BBS9: variants seen among roughly 807,000 people sequenced by gnomAD.
The protein encoded by BBS9 is protein PTHB1.
A neutral mutation model predicts 117.7 loss-of-function variants in BBS9; 89 were observed. The ratio of observed to expected loss-of-function variants is 0.76; its 90% CI spans 0.64 to 0.90. The LOEUF (loss-of-function observed/expected upper bound fraction) is 0.90. BBS9 is among the 40% of genes least tolerant of loss of function. BBS9 has a pLI of 0.00. For synonymous variants in BBS9, 379 were observed against 370.9 expected (o/e 1.02, Z -0.25); for missense variants, 982 against 1,042.2 (o/e 0.94, Z 0.80).
intron 20 of BBS9, among the ~76,000 whole-genome samples, chr7:33,520,011 G>GC (rs879328370): frequency 7.1e-6 from 1 of 140,554 alleles, no homozygotes; most frequent in Non-Finnish European, 1.6e-5. Context: ...TCTGAAATAG[G>GC]TTTTTTTTTT....
chr7:33,155,309 A>G (rs1278926947), intron 3 of BBS9, among the ~76,000 whole-genome samples: 2 of 152,136 alleles, frequency 1.3e-5, no homozygotes, highest in Non-Finnish European at 2.9e-5. Context: ...GTCACGGATG[A>G]ATTAGTCAGA....
In BBS9 at chr7:33,344,689, C is replaced by T. The variant is rs576670451; in HGVS notation, c.1329+55C>T. ...GCAAACAATATGATTTATTTCATTA[C>T]ATCTGTCACTGTTGAGAACTTGTAA... On this transcript the variant is annotated intron_variant, in intron 12 of 22. Coordinates refer to ENST00000242067, the MANE Select transcript of BBS9 (RefSeq NM_198428.3). 2.0e-6 allele frequency: 3 copies of T among 1,520,994 alleles called. No individual in the cohort carries two copies. In the South Asian group the frequency reaches 3.4e-5, roughly 17 times the overall value. 94.2% of individuals were successfully genotyped at this position (1,520,994 alleles called of 1,614,324 possible). A position where few individuals can be genotyped will look rare whatever the true frequency, so the allele number is the denominator to read the frequency against.
chr7:33,572,587 C>T (rs755319757), intron 21 of BBS9, among the ~76,000 whole-genome samples: 2 of 152,102 alleles, frequency 1.3e-5, no homozygotes, highest in Non-Finnish European at 2.9e-5. Flanking sequence ...CCTTTCCCCA[C>T]ATCCTCACCA....
At chr7:33,600,532 G>A (rs950221140) in intron 21 of BBS9, among the ~76,000 whole-genome samples, 1 of 152,102 alleles carries the variant, frequency 6.6e-6, no homozygotes, top group Non-Finnish European at 1.5e-5. Context: ...TAGCAGGCCC[G>A]ACTCTGCATA....
intron 9 of BBS9, among the ~76,000 whole-genome samples, chr7:33,312,960 G>A (rs2128556407): frequency 6.6e-6 from 1 of 151,452 alleles, no homozygotes. Flanking sequence ...AACATCATTG[G>A]TATTCAATAT....
intron 19 of BBS9, among the ~76,000 whole-genome samples, chr7:33,396,792 G>A (rs549113016): frequency 6.6e-6 from 1 of 152,202 alleles, no homozygotes. Flanking sequence ...CATGGTACTG[G>A]TACAAGAACA....
chr7:33,345,196 A>G (rs1478111568), intron 12 of BBS9, among the ~76,000 whole-genome samples: 1 of 152,268 alleles, frequency 6.6e-6, no homozygotes, highest in Admixed American at 6.5e-5. Context: ...TGGAAAATAG[A>G]ATATTAAGGA....
chr7:33,542,453 T>C (rs1852481380), intron 21 of BBS9, among the ~76,000 whole-genome samples: 1 of 152,040 alleles, frequency 6.6e-6, no homozygotes, highest in Non-Finnish European at 1.5e-5. Context: ...CACTGCACCA[T>C]ATTCGTAGTC....
At chr7:33,604,106 A>G (rs1864221973) in intron 21 of BBS9, among the ~76,000 whole-genome samples, 1 of 152,208 alleles carries the variant, frequency 6.6e-6, no homozygotes, top group African/African-American at 2.4e-5. Flanking sequence ...AAAAGCATGT[A>G]CAGTATACAA....
chr7:33,444,774 G>C (rs1316290559), intron 19 of BBS9, among the ~76,000 whole-genome samples: 1 of 152,182 alleles, frequency 6.6e-6, no homozygotes, highest in Non-Finnish European at 1.5e-5. Context: ...AGGAGCTCTA[G>C]CTCATGCTTT....
intron 19 of BBS9, among the ~76,000 whole-genome samples, chr7:33,449,485 T>G (rs1352645203): frequency 6.6e-6 from 1 of 152,090 alleles, no homozygotes; most frequent in Non-Finnish European, 1.5e-5. Flanking sequence ...CCCGGAGCCC[T>G]GGAGAGGCTT....
chr7:33,283,902 T>G (rs2128379890), intron 9 of BBS9, among the ~76,000 whole-genome samples: 1 of 152,288 alleles, frequency 6.6e-6, no homozygotes, highest in South Asian at 2.1e-4. Flanking sequence ...TCCATTTTCC[T>G]TGGTTTTCAG....
At chr7:33,381,563 C>T (rs529520543) in intron 17 of BBS9, among the ~76,000 whole-genome samples, 4 of 152,102 alleles carry the variant, frequency 2.6e-5, no homozygotes, top group Admixed American at 6.5e-5. Flanking sequence ...CCATCTACCT[C>T]TCTACCCCTG....
intron 9 of BBS9, among the ~76,000 whole-genome samples, chr7:33,275,575 G>T (rs1210610529): frequency 6.6e-6 from 1 of 152,058 alleles, no homozygotes; most frequent in Non-Finnish European, 1.5e-5. Flanking sequence ...GGTGAGTATG[G>T]GTCTCATTTT....
In BBS9 at chr7:33,533,041, A is replaced by T. The variant is rs567147811; in HGVS notation, c.2299-913A>T. Among the ~76,000 whole-genome samples the T allele has an allele frequency of 1.4e-3, 216 of 152,242 alleles. 2 individuals are homozygous for T. The highest frequency in any genetic ancestry group is 3.3e-3 in the South Asian group (16 of 4,822). ...TGCTTCTTAGGACCTCCAGATCCCC[A>T]CAAAGATCTTACCCAGTTATTCCTG... On this transcript the variant is annotated intron_variant, in intron 20 of 22. Coordinates refer to ENST00000242067, the MANE Select transcript of BBS9 (RefSeq NM_198428.3).
intron 19 of BBS9, among the ~76,000 whole-genome samples, chr7:33,440,617 C>T (rs917028367): frequency 6.6e-6 from 1 of 152,156 alleles, no homozygotes; most frequent in Non-Finnish European, 1.5e-5. Flanking sequence ...GAAAGGGAAG[C>T]TGCCAGAATT....
chr7:33,370,578 A>C (rs1584528420), intron 17 of BBS9, among the ~76,000 whole-genome samples: 1 of 152,352 alleles, frequency 6.6e-6, no homozygotes, highest in South Asian at 2.1e-4. Context: ...CTTTTGTGAG[A>C]TCAAATGTTT....
intron 9 of BBS9, among the ~76,000 whole-genome samples, chr7:33,306,684 G>T (rs141841099): frequency 4.6e-5 from 7 of 152,020 alleles, no homozygotes; most frequent in Non-Finnish European, 8.8e-5. Flanking sequence ...AAGAGTAGAC[G>T]TACAAAAAGC....
intron 21 of BBS9, among the ~76,000 whole-genome samples, chr7:33,596,617 T>G (rs985229751): frequency 2.6e-5 from 4 of 152,146 alleles, no homozygotes; most frequent in African/African-American, 7.2e-5. Flanking sequence ...TCCTTGTCTG[T>G]GTTTATCCAT....
Sources: allele counts gnomAD v4.1 joint callset (sites outside exome capture counted in the v4.1 genomes callset), GRCh38; gene constraint gnomAD v4.1.1; transcripts MANE v1.5; gene names NCBI Gene and HGNC (gene_info 2026-07-23, HGNC 2026-07-21).